Variants in LRRC72 observed in about 807,000 individuals in gnomAD.
The protein encoded by LRRC72 is leucine rich repeat containing 72, also known as leucine-rich repeat-containing protein 72.
A neutral mutation model predicts 35.8 loss-of-function variants in LRRC72; 41 were observed. The observed-to-expected ratio is 1.15, with a 90% CI of 0.89 to 1.49. The LOEUF is 1.49. Ranked by LOEUF, LRRC72 falls within the 40% of genes most tolerant of loss-of-function variation. The pLI, the probability that LRRC72 is intolerant of heterozygous loss-of-function variation, is 0.00. For synonymous variants in LRRC72, 118 were observed against 119.2 expected, an observed-to-expected ratio of 0.99 and a Z score of 0.07; for missense variants, 389 against 330.7, an observed-to-expected ratio of 1.18 and a Z score of -1.37.
At chr7:16,563,504 T>C (rs951148720) in intron 5 of LRRC72, among the ~76,000 whole-genome samples, 3 of 152,208 alleles carry the variant, frequency 2.0e-5, no homozygotes, top group Non-Finnish European at 2.9e-5. Context: ...TATTAACCTA[T>C]TGAAAGTGAA....
At chr7:16,530,604 T>C in intron 1 of LRRC72, 1 of 152,250 alleles carries the variant, frequency 6.6e-6, no homozygotes, top group Non-Finnish European at 1.5e-5. Flanking sequence ...AGTATTCCAT[T>C]GTGATGTCAC....
intron 7 of LRRC72, among the ~76,000 whole-genome samples, chr7:16,578,484 C>T (rs481730): frequency 0.41 from 62,878 of 151,918 alleles, 14,470 homozygotes; most frequent in African/African-American, 0.62. Context: ...AGTGAGACTC[C>T]ATCTCAAACA....
At position 16,567,552 on chromosome 7, in the gene LRRC72, TAA is replaced by T. The variant is rs11379958; in HGVS notation, c.670+25_670+26del. The stretch of plus-strand genomic sequence containing the variant: ...CCAGAGAGTACCTTCAGGTATTTCG[TAA>T]AAAAAAAAAAAAAAACAAATTTAAT... On this transcript the variant is annotated intron_variant, in intron 7 of 8. Coordinates refer to ENST00000401542, the MANE Select transcript of LRRC72 (RefSeq NM_001195280.2). 2,261 of 1,082,054 alleles carry T rather than the reference TAA, an allele frequency of 2.1e-3. No homozygotes were observed. Among genetic ancestry groups the T allele is most frequent in the South Asian group, 3.7e-3 (98 of 26,294 alleles). The allele number at this position is 1,082,054 out of a possible 1,614,324, so 67.0% of individuals were successfully genotyped here. A position where few individuals can be genotyped will look rare whatever the true frequency, so the allele number is the denominator to read the frequency against.
chr7:16,579,267 G>C (rs1390377111), intron 7 of LRRC72, among the ~76,000 whole-genome samples: 1 of 152,154 alleles, frequency 6.6e-6, no homozygotes, highest in Non-Finnish European at 1.5e-5. Context: ...TACCACTAAA[G>C]CTGGGAGAAA....
intron 5 of LRRC72, among the ~76,000 whole-genome samples, chr7:16,563,026 G>T (rs1181964856): frequency 6.6e-6 from 1 of 152,058 alleles, no homozygotes; most frequent in Non-Finnish European, 1.5e-5. Context: ...ACCTTGACCC[G>T]GAGCCTCACA....
chr7:16,569,400 A>G (rs549396094), intron 7 of LRRC72, among the ~76,000 whole-genome samples: 25 of 151,982 alleles, frequency 1.6e-4, no homozygotes, highest in Middle Eastern at 3.4e-3. Context: ...GGGCAACAAG[A>G]GCGAAACTCC....
intron 7 of LRRC72, among the ~76,000 whole-genome samples, chr7:16,569,168 C>G (rs761785232): frequency 6.6e-6 from 1 of 152,158 alleles, no homozygotes; most frequent in Non-Finnish European, 1.5e-5. Flanking sequence ...TGGTTCACAC[C>G]TGTAATCCCA....
At chr7:16,527,066 G>A (rs1476894923) in intron 1 of LRRC72, 24 bp downstream of exon 1, 1 of 1,532,828 alleles carries the variant, frequency 6.5e-7, no homozygotes, top group Non-Finnish European at 8.7e-7. Context: ...GCCTTCCCAA[G>A]CCATCAGCCC....
At chr7:16,564,065 G>A (rs1227683045) in intron 5 of LRRC72, among the ~76,000 whole-genome samples, 2 of 152,204 alleles carry the variant, frequency 1.3e-5, no homozygotes, top group African/African-American at 2.4e-5. Flanking sequence ...GGATAGTAAT[G>A]TCCTCAGAGG....
Position 16,537,608 on chromosome 7 carries a change from AT to A in LRRC72, c.165-9del, listed in dbSNP as rs532780210. On this transcript the variant is annotated intron_variant, in intron 2 of 8. Transcript: ENST00000401542. Reference sequence around the variant, plus strand: ...TGAACTAATTGTTGCTAATGTTCACATTTTTTTTTTCTTTCCAGGGAACTGA... The same window carrying A: ...TGAACTAATTGTTGCTAATGTTCACATTTTTTTTTCTTTCCAGGGAACTGA... 1.8e-3 allele frequency: 2,348 copies of A among 1,301,832 alleles called. No individual in the cohort carries two copies. The highest frequency in any genetic ancestry group is 3.2e-3 in the South Asian group (213 of 66,378). 80.6% of individuals were successfully genotyped at this position (1,301,832 alleles called of 1,614,324 possible).
intron 3 of LRRC72, among the ~76,000 whole-genome samples, chr7:16,544,942 T>G (rs778734535): frequency 8.0e-5 from 12 of 150,042 alleles, no homozygotes; most frequent in Non-Finnish European, 1.5e-4. Flanking sequence ...AAGTCATTGT[T>G]TATAAACATC....
At chr7:16,531,712 GACTTT>G (rs1168029165) in intron 1 of LRRC72, among the ~76,000 whole-genome samples, 2 of 152,112 alleles carry the variant, frequency 1.3e-5, no homozygotes, top group African/African-American at 4.8e-5. Context: ...ATTACAGACA[GACTTT>G]ACTTTTTTCA....
At chr7:16,537,551 A>G in intron 2 of LRRC72, 76 bp from the exon 3 acceptor site, 2 of 819,908 alleles carry the variant, frequency 2.4e-6, no homozygotes, top group Non-Finnish European at 3.8e-6. Flanking sequence ...CTACGAAGCC[A>G]TACTAACTAC....
At chr7:16,533,328 A>G (rs566097382) in intron 2 of LRRC72, among the ~76,000 whole-genome samples, 1 of 152,100 alleles carries the variant, frequency 6.6e-6, no homozygotes, top group Non-Finnish European at 1.5e-5. Context: ...GGGTTTTTCT[A>G]TAGAGTAGAA....
intron 7 of LRRC72, among the ~76,000 whole-genome samples, chr7:16,569,110 A>G (rs568970584): frequency 3.3e-5 from 5 of 152,292 alleles, no homozygotes; most frequent in Admixed American, 1.3e-4. Flanking sequence ...ACCGCCCTCC[A>G]TATCTGACGC....
At position 16,565,097 on chromosome 7, in the gene LRRC72, A is replaced by G. The variant is rs150746376; in HGVS notation, c.428-1216A>G. The stretch of plus-strand genomic sequence containing the variant: ...TCTAGTGGTTCTCCTTATTAGGTGT[A>G]TTTTCAGAAGAATTTCCTAGAAATT... On this transcript the variant is annotated intron_variant, in intron 5 of 8. Coordinates refer to ENST00000401542, the MANE Select transcript of LRRC72 (RefSeq NM_001195280.2). Among the ~76,000 whole-genome samples the G allele has an allele frequency of 1.7e-3, 252 of 152,222 alleles. 1 individual carries two copies. The highest frequency in any genetic ancestry group is 5.9e-3 in the African/African-American group (246 of 41,520).
At chr7:16,533,018 G>A (rs975673781) in intron 2 of LRRC72, among the ~76,000 whole-genome samples, 3 of 152,058 alleles carry the variant, frequency 2.0e-5, no homozygotes, top group African/African-American at 7.2e-5. Flanking sequence ...ATCTGGCAAC[G>A]CTATTCCCTG....
rs77928563 is a variant in LRRC72, at chr7:16,577,663, A to G, written c.671-2411A>G. 3.5e-3 allele frequency among the ~76,000 whole-genome samples: 527 copies of G among 152,362 alleles called. 4 individuals are homozygous for G. Among genetic ancestry groups the G allele is most frequent in the African/African-American group, 0.012 (509 of 41,596 alleles). ...ATTGGAGGAAGTCTTTATAACATAT[A>G]TAATAGGCAGAAGTTAACACTCATA... On this transcript the variant is annotated intron_variant, in intron 7 of 8. Coordinates refer to ENST00000401542, the MANE Select transcript of LRRC72 (RefSeq NM_001195280.2).
chr7:16,532,529 G>C lies in LRRC72; in HGVS notation c.125G>C (p.Arg42Thr). Residue 42 changes from arginine to threonine, a missense_variant, in exon 2 of 9, where the codon AGG becomes ACG. Physicochemically the swap from Arg to Thr is moderately conservative, Grantham distance 71. Transcript: ENST00000401542. ...VEDQLKICGH[R>T]RDADVFELFL... ...GATCAGCTAAAGATATGTGGCCACA[G>C]GAGGGATGCTGATGTCTTTGAGCTG... is the stretch of plus-strand genomic sequence containing the variant. 1 of 1,550,234 alleles carries C rather than the reference G, an allele frequency of 6.5e-7. No individual in the cohort carries two copies. The highest frequency in any genetic ancestry group is 8.7e-7 in the Non-Finnish European group (1 of 1,146,604).
Sources: allele counts gnomAD v4.1 joint callset (sites outside exome capture counted in the v4.1 genomes callset), GRCh38; gene constraint gnomAD v4.1.1; transcripts MANE v1.5; gene names NCBI Gene and HGNC (gene_info 2026-07-23, HGNC 2026-07-21).